The following KCNH5 variants were observed in gnomAD, a reference collection of about 807,000 sequenced individuals.
KCNH5 encodes the protein potassium voltage-gated channel subfamily H member 5.
KCNH5 carries 46 observed loss-of-function variants against 96.1 expected under a neutral mutation model. The ratio of observed to expected loss-of-function variants is 0.48; its 90% CI spans 0.38 to 0.61. KCNH5 has a LOEUF of 0.61. Ranked by LOEUF, KCNH5 falls within the 20% of genes least tolerant of loss-of-function variation. The probability of loss-of-function intolerance (pLI) is 0.00; values close to 1 mark genes in which losing one functional copy is unlikely to be tolerated. For missense variants in KCNH5, 907 were observed against 1,225.8 expected (o/e 0.74, Z 3.88); for synonymous variants, 439 against 449.8 (o/e 0.98, Z 0.30).
intron 10 of KCNH5, among the ~76,000 whole-genome samples, chr14:62,765,868 T>C (rs1408978863): frequency 2.0e-5 from 3 of 152,084 alleles, no homozygotes; most frequent in Non-Finnish European, 4.4e-5. Flanking sequence ...AAAAAGCTTC[T>C]GCACAGCAAA....
intron 7 of KCNH5, among the ~76,000 whole-genome samples, chr14:62,931,198 A>G (rs1265111450): frequency 1.3e-5 from 2 of 152,168 alleles, no homozygotes; most frequent in African/African-American, 4.8e-5. Context: ...CTACAGGTTA[A>G]ATAGACAGAT....
intron 9 of KCNH5, among the ~76,000 whole-genome samples, chr14:62,781,410 T>G (rs886520587): frequency 4.6e-5 from 7 of 152,298 alleles, no homozygotes; most frequent in Middle Eastern, 6.8e-3. Flanking sequence ...GAGACAGCGT[T>G]TTGAGATCAA....
intron 8 of KCNH5, among the ~76,000 whole-genome samples, chr14:62,829,291 G>A (rs1387666667): frequency 6.6e-6 from 1 of 152,094 alleles, no homozygotes; most frequent in Non-Finnish European, 1.5e-5. Context: ...TCTTCTCACA[G>A]CTTCACTAGG....
chr14:62,771,753 C>T (rs555699828), intron 10 of KCNH5, among the ~76,000 whole-genome samples: 9 of 152,262 alleles, frequency 5.9e-5, no homozygotes, highest in South Asian at 4.1e-4. Flanking sequence ...TTTTTATCAA[C>T]ATCCAATGGG....
At chr14:63,018,213 C>T (rs950776051) in intron 1 of KCNH5, among the ~76,000 whole-genome samples, 1 of 151,708 alleles carries the variant, frequency 6.6e-6, no homozygotes, top group Non-Finnish European at 1.5e-5. Context: ...CTGTCTATTC[C>T]GCTGAGAGCA....
intron 7 of KCNH5, among the ~76,000 whole-genome samples, chr14:62,925,907 A>G (rs1288143828): frequency 4.6e-5 from 7 of 152,114 alleles, no homozygotes; most frequent in Non-Finnish European, 8.8e-5. Context: ...AAATCAGATA[A>G]AAGTCCTTAC....
At chr14:62,924,798 A>G (rs543232572) in intron 7 of KCNH5, among the ~76,000 whole-genome samples, 1 of 152,112 alleles carries the variant, frequency 6.6e-6, no homozygotes, top group African/African-American at 2.4e-5. Context: ...GGTAGTTACC[A>G]GGTACTTAGA....
chr14:62,919,264 C>T (rs978351985), intron 7 of KCNH5, among the ~76,000 whole-genome samples: 3 of 151,752 alleles, frequency 2.0e-5, no homozygotes, highest in South Asian at 2.1e-4. Flanking sequence ...TTTTTCTTCA[C>T]GAGTATGTAT....
intron 7 of KCNH5, among the ~76,000 whole-genome samples, chr14:62,869,247 T>C (rs1888200266): frequency 6.6e-6 from 1 of 152,242 alleles, no homozygotes; most frequent in Non-Finnish European, 1.5e-5. Context: ...CATGAGATGG[T>C]ATCTCATTGT....
chr14:62,799,973 AAGG>A lies in KCNH5; in HGVS notation c.1822+2353_1822+2355del, dbSNP rs1361543072. 1.8e-3 allele frequency among the ~76,000 whole-genome samples: 277 copies of A among 150,068 alleles called. 1 individual carries two copies. In the Middle Eastern group the frequency reaches 0.024, roughly 13 times the overall value. On this transcript the variant is annotated intron_variant, in intron 9 of 10. Coordinates refer to ENST00000322893, the MANE Select transcript of KCNH5 (RefSeq NM_139318.5). ...AGAAGAAGAAGAGGAGGAGAAAGAA[AAGG>A]AGGAGGAGGAGGAGAAGAAGAGGAA...
At chr14:62,807,336 ATGT>A (rs1245154219) in intron 8 of KCNH5, among the ~76,000 whole-genome samples, 1 of 152,162 alleles carries the variant, frequency 6.6e-6, no homozygotes, top group African/African-American at 2.4e-5. Context: ...AGCTATATAT[ATGT>A]TGTATGTAAT....
At chr14:63,031,292 A>G (rs966060954) in intron 1 of KCNH5, among the ~76,000 whole-genome samples, 1 of 152,136 alleles carries the variant, frequency 6.6e-6, no homozygotes, top group African/African-American at 2.4e-5. Flanking sequence ...AGACAACAGG[A>G]AAATAACTAC....
chr14:62,729,520 C>T (rs993299712), intron 10 of KCNH5, among the ~76,000 whole-genome samples: 4 of 152,158 alleles, frequency 2.6e-5, no homozygotes, highest in African/African-American at 9.7e-5. Flanking sequence ...ACCTGAGCAA[C>T]AGAACTGCAT....
At chr14:63,034,148 G>C (rs1022304572) in intron 1 of KCNH5, among the ~76,000 whole-genome samples, 4 of 152,058 alleles carry the variant, frequency 2.6e-5, no homozygotes, top group Non-Finnish European at 5.9e-5. Context: ...TCGATCTCCT[G>C]ACCTCGTGAT....
rs1399078369 is a variant in KCNH5, at chr14:63,045,445, G to T, written c.-259C>A. The T allele has an allele frequency of 5.9e-6, 3 of 512,222 alleles. No individual in the cohort carries two copies. Among genetic ancestry groups the T allele is most frequent in the East Asian group, 3.2e-5 (1 of 31,264 alleles). The allele number at this position is 512,222 out of a possible 1,614,324, so 31.7% of individuals were successfully genotyped here. ...CAGACTGTGGCGGTGCCGCACACGGGGCTCGGGAACTGCAGGCTCCGCGGG... is the reference window on the plus strand; with the variant it reads ...CAGACTGTGGCGGTGCCGCACACGGTGCTCGGGAACTGCAGGCTCCGCGGG... On this transcript the variant is annotated 5_prime_UTR_variant, in exon 1 of 11. Coordinates refer to ENST00000322893, the MANE Select transcript of KCNH5 (RefSeq NM_139318.5).
intron 6 of KCNH5, among the ~76,000 whole-genome samples, chr14:62,965,115 GT>G (rs1260952036): frequency 6.6e-6 from 1 of 152,068 alleles, no homozygotes; most frequent in Non-Finnish European, 1.5e-5. Context: ...ATAAAATCAA[GT>G]AAGGGATTTG....
At chr14:62,957,319 AT>A (rs1460981967) in intron 6 of KCNH5, among the ~76,000 whole-genome samples, 8 of 152,236 alleles carry the variant, frequency 5.3e-5, no homozygotes, top group South Asian at 4.1e-4. Context: ...CAGGTAGATA[AT>A]TCAGCCAATA....
chr14:63,030,387 A>G (rs566863004), intron 1 of KCNH5, among the ~76,000 whole-genome samples: 1 of 152,342 alleles, frequency 6.6e-6, no homozygotes, highest in Admixed American at 6.5e-5. Context: ...AAAACAACTC[A>G]TTATATTCAT....
chr14:62,851,813 A>T (rs994875654), intron 7 of KCNH5, among the ~76,000 whole-genome samples: 3 of 152,136 alleles, frequency 2.0e-5, no homozygotes, highest in African/African-American at 7.2e-5. Flanking sequence ...GCTCTCTAAG[A>T]TGCTTGCGAT....
Sources: gnomAD v4.1 joint callset for allele counts (sites outside exome capture counted in the v4.1 genomes callset) on GRCh38, gnomAD v4.1.1 for gene constraint, MANE v1.5 for transcripts, NCBI Gene and HGNC (gene_info 2026-07-23, HGNC 2026-07-21) for gene names.